The following MALRD1 variants were observed in gnomAD, a reference collection of about 807,000 sequenced individuals.
The protein encoded by MALRD1 is MAM and LDL-receptor class A domain-containing protein 1.
A neutral mutation model predicts 242.1 loss-of-function variants in MALRD1; 247 were observed. The ratio of observed to expected loss-of-function variants is 1.02; its 90% confidence interval spans 0.92 to 1.13. The LOEUF is 1.13. Ranked by LOEUF, MALRD1 falls within the 50% of genes most tolerant of loss-of-function variation. MALRD1 has a pLI of 0.00. For synonymous variants in MALRD1, 995 were observed against 866.6 expected (o/e 1.15, Z -2.60); for missense variants, 2,989 against 2,533.1 (o/e 1.18, Z -3.86).
chr10:19,506,382 G>A (rs756688250), intron 31 of MALRD1, among the ~76,000 whole-genome samples: 1 of 152,132 alleles, frequency 6.6e-6, no homozygotes, highest in Non-Finnish European at 1.5e-5. Context: ...TTGCTCTTTA[G>A]AGAACTGTGA....
At chr10:19,339,906 A>G (rs1399611155) in intron 24 of MALRD1, among the ~76,000 whole-genome samples, 4 of 152,134 alleles carry the variant, frequency 2.6e-5, no homozygotes, top group African/African-American at 4.8e-5. Context: ...GAAACTTACA[A>G]TCACAGTGGA....
At chr10:19,165,242 A>AATATATATATATAT (rs57449195) in intron 12 of MALRD1, among the ~76,000 whole-genome samples, 722 of 69,658 alleles carry the variant, frequency 0.01, 60 homozygotes, top group African/African-American at 0.039. Flanking sequence ...AGTTGTTTGG[A>AATATATATATATAT]ATATATATAT....
At chr10:19,405,942 G>C (rs1164769897) in intron 28 of MALRD1, among the ~76,000 whole-genome samples, 1 of 152,010 alleles carries the variant, frequency 6.6e-6, no homozygotes, top group Non-Finnish European at 1.5e-5. Context: ...TTTAGCCACA[G>C]AATGTCACAG....
intron 32 of MALRD1, among the ~76,000 whole-genome samples, chr10:19,563,881 T>C (rs184351016): frequency 6.6e-6 from 1 of 150,966 alleles, no homozygotes; most frequent in East Asian, 2.0e-4. Context: ...GGATCTCTTA[T>C]GGCTGATAGT....
At chr10:19,550,226 T>G (rs570428298) in intron 32 of MALRD1, among the ~76,000 whole-genome samples, 1 of 152,134 alleles carries the variant, frequency 6.6e-6, no homozygotes, top group South Asian at 2.1e-4. Context: ...AATTACCCGC[T>G]CCCCTACTTG....
At chr10:19,607,633 A>T (rs1390268154) in intron 34 of MALRD1, 144 bp from the exon 35 acceptor site, 2 of 1,170,526 alleles carry the variant, frequency 1.7e-6, no homozygotes, top group African/African-American at 3.1e-5. Context: ...ATATTCTTCA[A>T]AAAGAACTGT....
At position 19,204,883 on chromosome 10, in the gene MALRD1, T is replaced by G. The variant is rs1011237193; in HGVS notation, c.2211-15T>G. Reference sequence around the variant, plus strand: ...CTATAAATCACTTCCATTTCTTACGTTTACTCTTTTTTAGGTTCTATAACT... The same window carrying G: ...CTATAAATCACTTCCATTTCTTACGGTTACTCTTTTTTAGGTTCTATAACT... On this transcript the variant is annotated splice_polypyrimidine_tract_variant and intron_variant, in intron 16 of 39. Transcript: ENST00000454679. 1 of 1,524,888 alleles carries G rather than the reference T, an allele frequency of 6.6e-7. No homozygotes were observed. The highest frequency in any genetic ancestry group is 2.1e-5 in the Admixed American group (1 of 47,374). 94.5% of individuals were successfully genotyped at this position (1,524,888 alleles called of 1,614,324 possible). A position where few individuals can be genotyped will look rare whatever the true frequency, so the allele number is the denominator to read the frequency against.
chr10:19,235,357 C>T (rs543881721), intron 18 of MALRD1, among the ~76,000 whole-genome samples: 1 of 149,184 alleles, frequency 6.7e-6, no homozygotes, highest in Admixed American at 6.9e-5. Context: ...TTGCATTTTT[C>T]TGATGATTAG....
chr10:19,550,529 G>A (rs1835428834), intron 32 of MALRD1, among the ~76,000 whole-genome samples: 1 of 151,896 alleles, frequency 6.6e-6, no homozygotes, highest in Non-Finnish European at 1.5e-5. Context: ...AGTGTGTGTG[G>A]GTTCCCCTCT....
chr10:19,454,433 A>ATATATATATATATATATATATATAT (rs1835523396), intron 29 of MALRD1, among the ~76,000 whole-genome samples: 2 of 55,442 alleles, frequency 3.6e-5, no homozygotes, highest in East Asian at 4.4e-4. Flanking sequence ...TATATATATA[A>ATATATATATATATATATATATATAT]TTATATGATA....
At chr10:19,227,385 T>A (rs1489404767) in intron 18 of MALRD1, among the ~76,000 whole-genome samples, 4 of 152,078 alleles carry the variant, frequency 2.6e-5, no homozygotes, top group Non-Finnish European at 4.4e-5. Flanking sequence ...GAAATCAATG[T>A]CTTTATAAAG....
chr10:19,519,491 G>T (rs1460706169), intron 31 of MALRD1, among the ~76,000 whole-genome samples: 1 of 152,190 alleles, frequency 6.6e-6, no homozygotes, highest in African/African-American at 2.4e-5. Flanking sequence ...ACTGGGCACA[G>T]AGGCTTACAC....
chr10:19,301,604 A>G (rs1280814093), intron 21 of MALRD1, among the ~76,000 whole-genome samples: 3 of 151,858 alleles, frequency 2.0e-5, no homozygotes, highest in Non-Finnish European at 2.9e-5. Context: ...AAGGAAATTA[A>G]CACAGGAACA....
chr10:19,062,444 A>C (rs1834850270), intron 1 of MALRD1, among the ~76,000 whole-genome samples: 1 of 152,344 alleles, frequency 6.6e-6, no homozygotes, highest in East Asian at 1.9e-4. Context: ...CCCCAAGGAA[A>C]CCAAAGTAGG....
rs35948766 is a variant in MALRD1, at chr10:19,108,387, C to CT, written c.694+4350dup. On this transcript the variant is annotated intron_variant, in intron 5 of 39. Coordinates refer to ENST00000454679, the MANE Select transcript of MALRD1 (RefSeq NM_001142308.3). ...TTATTGAGCTCATGAATTGTTTTTT[C>CT]TTTTTTTTTTTTTTTTTTTTTTTTT... Among the ~76,000 whole-genome samples the CT allele has an allele frequency of 2.9e-3, 58 of 19,762 alleles. 22 individuals are homozygous for CT. The highest frequency in any genetic ancestry group is 4.0e-3 in the Non-Finnish European group (50 of 12,504). The allele number at this position is 19,762 out of a possible 152,430, so 13.0% of individuals were successfully genotyped here.
intron 18 of MALRD1, among the ~76,000 whole-genome samples, chr10:19,224,076 G>A (rs1378690799): frequency 6.6e-6 from 1 of 152,098 alleles, no homozygotes; most frequent in East Asian, 1.9e-4. Flanking sequence ...TAATGAGATT[G>A]TTAGGTCAAA....
chr10:19,276,278 T>C (rs1840522579), intron 19 of MALRD1, among the ~76,000 whole-genome samples: 1 of 142,154 alleles, frequency 7.0e-6, no homozygotes, highest in South Asian at 2.2e-4. Flanking sequence ...TTTACATGCA[T>C]CTTCTAATGC....
intron 39 of MALRD1, among the ~76,000 whole-genome samples, chr10:19,733,664 G>A (rs1279228518): frequency 2.0e-5 from 3 of 148,610 alleles, no homozygotes; most frequent in Non-Finnish European, 3.0e-5. Context: ...ATTATTTGTT[G>A]AAGAAACCAG....
At chr10:19,619,193 T>C (rs184316982) in intron 36 of MALRD1, among the ~76,000 whole-genome samples, 329 of 144,986 alleles carry the variant, frequency 2.3e-3, no homozygotes, top group Middle Eastern at 6.8e-3. Flanking sequence ...TGTCTAGAAC[T>C]TTCTGTTTGT....
Sources: allele counts gnomAD v4.1 joint callset (sites outside exome capture counted in the v4.1 genomes callset), GRCh38; gene constraint gnomAD v4.1.1; transcripts MANE v1.5; gene names NCBI Gene and HGNC (gene_info 2026-07-23, HGNC 2026-07-21).